The following SLC24A2 variants were observed in gnomAD, a reference collection of about 807,000 sequenced individuals.
SLC24A2 encodes sodium/potassium/calcium exchanger 2.
SLC24A2 carries 36 observed loss-of-function variants against 62.0 expected under a neutral mutation model. The observed-to-expected ratio is 0.58, with a 90% confidence interval of 0.44 to 0.77. The LOEUF is 0.77. Ranked by LOEUF, SLC24A2 falls within the 30% of genes least tolerant of loss-of-function variation. SLC24A2 has a pLI of 0.00. For missense variants in SLC24A2, 846 were observed against 817.9 expected (o/e 1.03, Z -0.42); for synonymous variants, 358 against 294.0 (o/e 1.22, Z -2.23).
chr9:20,121,743 C>T, the SLC24A2 span, among the ~76,000 whole-genome samples: 1 of 152,110 alleles, frequency 6.6e-6, no homozygotes, highest in South Asian at 2.1e-4. Flanking sequence ...CTACTCAAAG[C>T]CACTCCTAAG....
chr9:19,727,128 C>T (rs573914578), intron 2 of SLC24A2, among the ~76,000 whole-genome samples: 119 of 152,142 alleles, frequency 7.8e-4, no homozygotes, highest in Admixed American at 1.8e-3. Context: ...AGTTCTGTGT[C>T]TGTGGGCTCT....
chr9:20,021,010 A>G, the SLC24A2 span, among the ~76,000 whole-genome samples: 1 of 152,306 alleles, frequency 6.6e-6, no homozygotes, highest in East Asian at 1.9e-4. Flanking sequence ...ATACACTCAT[A>G]TGCTTTTGAG....
chr9:20,212,673 AATAAGT>A, the SLC24A2 span, among the ~76,000 whole-genome samples: 1 of 151,270 alleles, frequency 6.6e-6, no homozygotes, highest in South Asian at 2.1e-4. Flanking sequence ...GAAAGATAAC[AATAAGT>A]ATGAGTGATT....
At chr9:19,586,935 G>T (rs981803459) in intron 5 of SLC24A2, among the ~76,000 whole-genome samples, 12 of 152,224 alleles carry the variant, frequency 7.9e-5, no homozygotes, top group African/African-American at 2.9e-4. Context: ...GTCTTCTTTT[G>T]TTCCCATCCC....
At chr9:19,607,910 A>G (rs1837037958) in intron 4 of SLC24A2, among the ~76,000 whole-genome samples, 1 of 152,172 alleles carries the variant, frequency 6.6e-6, no homozygotes, top group Admixed American at 6.5e-5. Context: ...TGTACAACAC[A>G]AAGAGAGATT....
At chr9:19,567,269 G>A (rs1248273067) in intron 7 of SLC24A2, among the ~76,000 whole-genome samples, 10 of 151,594 alleles carry the variant, frequency 6.6e-5, no homozygotes, top group Middle Eastern at 3.4e-3. Flanking sequence ...AATATGGGCC[G>A]GGCACGGTGG....
intron 2 of SLC24A2, among the ~76,000 whole-genome samples, chr9:19,737,728 G>C (rs116756670): frequency 6.6e-6 from 1 of 151,976 alleles, no homozygotes; most frequent in East Asian, 1.9e-4. Context: ...TTAAAGGCAA[G>C]ATGCAAATAA....
intron 7 of SLC24A2, among the ~76,000 whole-genome samples, chr9:19,565,420 A>G (rs1835607762): frequency 6.6e-6 from 1 of 151,084 alleles, no homozygotes; most frequent in Non-Finnish European, 1.5e-5. Flanking sequence ...GATGTGAAGG[A>G]CCTCTGCAAG....
the SLC24A2 span, among the ~76,000 whole-genome samples, chr9:20,023,514 G>C: frequency 6.6e-5 from 10 of 152,160 alleles, no homozygotes; most frequent in African/African-American, 2.4e-4. Context: ...ATTTCACTTA[G>C]TCTGGAAGCC....
At chr9:19,988,089 G>A in the SLC24A2 span, among the ~76,000 whole-genome samples, 5 of 152,180 alleles carry the variant, frequency 3.3e-5, no homozygotes, top group South Asian at 1.0e-3. Flanking sequence ...AGGGGCACAA[G>A]GAGGGATGGA....
the SLC24A2 span, among the ~76,000 whole-genome samples, chr9:20,126,236 T>A: frequency 3.9e-5 from 6 of 152,312 alleles, no homozygotes; most frequent in East Asian, 1.2e-3. Context: ...TTTCTTTGGT[T>A]TCAATTTGAA....
chr9:19,619,959 A>G lies in SLC24A2; in HGVS notation c.970-267T>C, dbSNP rs185541049. Among the ~76,000 whole-genome samples the G allele has an allele frequency of 2.0e-5, 3 of 152,258 alleles. No homozygotes were observed. The East Asian group carries it at 5.8e-4, about 29-fold the overall frequency. ...TTATATGCTTCACATCCCTTCATTTATCTTATTTGCAAAATGAACCCTATG... is the reference window on the plus strand; with the variant it reads ...TTATATGCTTCACATCCCTTCATTTGTCTTATTTGCAAAATGAACCCTATG... On this transcript the variant is annotated intron_variant, in intron 3 of 10. Transcript: ENST00000341998.
At chr9:20,017,868 T>C in the SLC24A2 span, among the ~76,000 whole-genome samples, 200 of 152,290 alleles carry the variant, frequency 1.3e-3, no homozygotes, top group African/African-American at 4.6e-3. Context: ...TGAGGGTGGG[T>C]CTGCCTCTCC....
chr9:20,095,739 A>T, the SLC24A2 span, among the ~76,000 whole-genome samples: 7 of 151,312 alleles, frequency 4.6e-5, no homozygotes, highest in African/African-American at 1.7e-4. Context: ...TAATAAAGAT[A>T]CCCAAGACTG....
the SLC24A2 span, among the ~76,000 whole-genome samples, chr9:20,001,936 A>G: frequency 2.6e-5 from 4 of 152,220 alleles, no homozygotes; most frequent in African/African-American, 7.2e-5. Context: ...GTAAGTCCAC[A>G]TAAGAATACT....
chr9:19,974,370 T>C, the SLC24A2 span, among the ~76,000 whole-genome samples: 2 of 152,138 alleles, frequency 1.3e-5, no homozygotes, highest in Non-Finnish European at 2.9e-5. Context: ...ATTTTTAAGG[T>C]CTGTACTCCA....
the SLC24A2 span, among the ~76,000 whole-genome samples, chr9:19,833,440 G>T: frequency 1.3e-5 from 2 of 152,208 alleles, no homozygotes; most frequent in African/African-American, 2.4e-5. Context: ...TCCTGCACCT[G>T]GCTCGGAGGG....
chr9:19,545,297 C>G (rs988361209), intron 8 of SLC24A2, among the ~76,000 whole-genome samples: 1 of 151,878 alleles, frequency 6.6e-6, no homozygotes, highest in African/African-American at 2.4e-5. Context: ...ATGTTCTTCT[C>G]GAAACTGGTT....
chr9:20,094,584 A>C, the SLC24A2 span, among the ~76,000 whole-genome samples: 1 of 152,216 alleles, frequency 6.6e-6, no homozygotes, highest in Non-Finnish European at 1.5e-5. Flanking sequence ...ATAGTATAGC[A>C]AAAAAGAAAA....
Sources: allele counts gnomAD v4.1 joint callset (sites outside exome capture counted in the v4.1 genomes callset), GRCh38; gene constraint gnomAD v4.1.1; transcripts MANE v1.5; gene names NCBI Gene and HGNC (gene_info 2026-07-23, HGNC 2026-07-21).